MECOM: variants seen among roughly 807,000 people sequenced by gnomAD.
MECOM encodes MDS1 and EVI1 complex locus.
In MECOM, 13 loss-of-function variants were observed where a neutral mutation model predicts 116.3. The ratio of observed to expected loss-of-function variants is 0.11; its 90% CI spans 0.07 to 0.18. The LOEUF is 0.18. Ranked by LOEUF, MECOM falls within the 10% of genes least tolerant of loss-of-function variation. MECOM has a pLI of 1.00. For synonymous variants in MECOM, 528 were observed against 535.2 expected, an observed-to-expected ratio of 0.99 and a Z score of 0.19; for missense variants, 1,299 against 1,509.0, an observed-to-expected ratio of 0.86 and a Z score of 2.31.
intron 9 of MECOM, among the ~76,000 whole-genome samples, chr3:169,108,426 ACTTG>A (rs1726177306): frequency 6.6e-6 from 1 of 152,196 alleles, no homozygotes; most frequent in African/African-American, 2.4e-5. Context: ...GAAATTCACT[ACTTG>A]ATTTTTATTA....
intron 1 of MECOM, among the ~76,000 whole-genome samples, chr3:169,584,445 G>A (rs1485674528): frequency 2.0e-5 from 3 of 151,440 alleles, no homozygotes; most frequent in Non-Finnish European, 2.9e-5. Context: ...AGCGCCTGTA[G>A]TCCCAGCTAC....
chr3:169,650,975 T>TA (rs1217531907), intron 1 of MECOM, among the ~76,000 whole-genome samples: 1 of 152,058 alleles, frequency 6.6e-6, no homozygotes, highest in Non-Finnish European at 1.5e-5. Flanking sequence ...ATATTAAGTT[T>TA]AAAAAAAGAA....
intron 2 of MECOM, among the ~76,000 whole-genome samples, chr3:169,258,063 A>G (rs920319072): frequency 6.6e-6 from 1 of 152,182 alleles, no homozygotes; most frequent in African/African-American, 2.4e-5. Flanking sequence ...TCTACTAAAA[A>G]TACAAAAATT....
chr3:169,385,551 A>T (rs1184500317), intron 1 of MECOM, among the ~76,000 whole-genome samples: 4 of 152,220 alleles, frequency 2.6e-5, no homozygotes, highest in South Asian at 2.1e-4. Context: ...GTATCAAAAC[A>T]TGCAACAATA....
chr3:169,495,302 G>T (rs1753676353), intron 1 of MECOM, among the ~76,000 whole-genome samples: 1 of 152,214 alleles, frequency 6.6e-6, no homozygotes, highest in Admixed American at 6.5e-5. Flanking sequence ...ATAATTGTAT[G>T]TGGGGGAGGA....
chr3:169,366,368 A>G (rs531579782), intron 2 of MECOM, among the ~76,000 whole-genome samples: 85 of 152,042 alleles, frequency 5.6e-4, no homozygotes, highest in Non-Finnish European at 6.9e-4. Context: ...CTACATCCCT[A>G]TAATTGCAAT....
chr3:169,321,250 A>G (rs918982348), intron 2 of MECOM, among the ~76,000 whole-genome samples: 1 of 152,254 alleles, frequency 6.6e-6, no homozygotes, highest in Non-Finnish European at 1.5e-5. Flanking sequence ...CTGTTAGAAT[A>G]CAAAGAGTGG....
intron 2 of MECOM, among the ~76,000 whole-genome samples, chr3:169,211,207 C>T (rs1302205986): frequency 6.6e-6 from 1 of 152,100 alleles, no homozygotes; most frequent in Non-Finnish European, 1.5e-5. Context: ...ATTTTACATT[C>T]CTACCAGCAA....
Position 169,115,849 on chromosome 3 carries a change from A to G in MECOM, c.2023T>C (p.Ser675Pro), listed in dbSNP as rs1255767773. The G allele has an allele frequency of 1.9e-6, 3 of 1,613,976 alleles. No homozygotes were observed. The highest frequency in any genetic ancestry group is 1.6e-4 in the Middle Eastern group (1 of 6,084). Residue 675 changes from serine (S) to proline (P), a missense_variant, in exon 8 of 17, where the codon TCA (serine) becomes CCA (proline). By Grantham distance (74) the Ser-to-Pro change is moderately conservative. This residue lies in a region of MECOM where 340 missense variants were observed against 312.6 expected (regional missense o/e 1.09). Transcript: ENST00000651503. ...TCTTGCAGCCCCACCAGTCCTGTTGAACCAAAGTATTTTTCAGCAATAGAA... is the reference window on the plus strand; with the variant it reads ...TCTTGCAGCCCCACCAGTCCTGTTGGACCAAAGTATTTTTCAGCAATAGAA... ...IASIAEKYFGSTGLVGLQDKK... is the reference protein window; with the variant it reads ...IASIAEKYFGPTGLVGLQDKK...
intron 1 of MECOM, among the ~76,000 whole-genome samples, chr3:169,623,724 T>TA (rs1028145261): frequency 1.3e-5 from 2 of 151,690 alleles, no homozygotes; most frequent in Admixed American, 6.6e-5. Flanking sequence ...ACTTGGCCCT[T>TA]AAAAAAAATC....
At chr3:169,310,812 G>A (rs553907934) in intron 2 of MECOM, among the ~76,000 whole-genome samples, 4 of 152,178 alleles carry the variant, frequency 2.6e-5, no homozygotes, top group Non-Finnish European at 5.9e-5. Context: ...AGACATAGCT[G>A]TGTTCTTTCT....
chr3:169,634,355 T>C (rs1772461383), intron 1 of MECOM, among the ~76,000 whole-genome samples: 1 of 152,172 alleles, frequency 6.6e-6, no homozygotes. Flanking sequence ...TTTGAGATCA[T>C]GCCCCAGTAA....
At chr3:169,498,264 T>G (rs1202305842) in intron 1 of MECOM, among the ~76,000 whole-genome samples, 2 of 152,218 alleles carry the variant, frequency 1.3e-5, no homozygotes, top group East Asian at 3.8e-4. Context: ...AAAATAAAAC[T>G]TATTTTTAAA....
At chr3:169,311,860 C>CA (rs947280288) in intron 2 of MECOM, among the ~76,000 whole-genome samples, 4 of 151,482 alleles carry the variant, frequency 2.6e-5, no homozygotes, top group East Asian at 1.9e-4. Flanking sequence ...GCCTGTGATT[C>CA]AAAAAAAAGT....
At chr3:169,578,407 ACTT>A (rs1427141628) in intron 1 of MECOM, among the ~76,000 whole-genome samples, 2 of 152,114 alleles carry the variant, frequency 1.3e-5, no homozygotes, top group South Asian at 4.1e-4. Flanking sequence ...GATATTGCCT[ACTT>A]TCTGTAGCTC....
chr3:169,437,063 C>A (rs183436367), intron 1 of MECOM, among the ~76,000 whole-genome samples: 106 of 152,234 alleles, frequency 7.0e-4, no homozygotes, highest in African/African-American at 1.9e-3. Context: ...AAAATAAAAT[C>A]TTTTATGAAC....
intron 1 of MECOM, among the ~76,000 whole-genome samples, chr3:169,561,709 A>G (rs560131443): frequency 4.6e-5 from 7 of 152,350 alleles, no homozygotes; most frequent in African/African-American, 1.7e-4. Flanking sequence ...CACACACCAC[A>G]CACAGGCACG....
At chr3:169,461,924 A>G (rs1204480891) in intron 1 of MECOM, among the ~76,000 whole-genome samples, 1 of 152,146 alleles carries the variant, frequency 6.6e-6, no homozygotes, top group East Asian at 1.9e-4. Flanking sequence ...AGTCACCAAA[A>G]AATAATAGGC....
intron 2 of MECOM, among the ~76,000 whole-genome samples, chr3:169,330,845 C>T (rs1014044825): frequency 1.3e-5 from 2 of 151,946 alleles, no homozygotes; most frequent in African/African-American, 4.8e-5. Flanking sequence ...ATAAAGCTTT[C>T]ATTTTATCCT....
Sources: gnomAD v4.1 joint callset for allele counts (sites outside exome capture counted in the v4.1 genomes callset) on GRCh38, gnomAD v4.1.1 for gene constraint, gnomAD v4.1.1 regional missense constraint, MANE v1.5 for transcripts, NCBI Gene and HGNC (gene_info 2026-07-23, HGNC 2026-07-21) for gene names.